Variants in ZFYVE9 observed in about 807,000 individuals in gnomAD.
The protein encoded by ZFYVE9 is zinc finger FYVE domain-containing protein 9.
ZFYVE9 carries 43 observed loss-of-function variants against 126.7 expected under a neutral mutation model. The ratio of observed to expected loss-of-function variants is 0.34; its 90% CI spans 0.27 to 0.44. ZFYVE9 has a LOEUF of 0.44. Among genes scored for constraint, ZFYVE9 ranks in the 20% least tolerant of loss-of-function variants. The probability of loss-of-function intolerance (pLI) is 1.00; values close to 1 mark genes in which losing one functional copy is unlikely to be tolerated. For synonymous variants in ZFYVE9, 521 were observed against 597.4 expected (o/e 0.87, Z 1.87); for missense variants, 1,476 against 1,697.0 (o/e 0.87, Z 2.29).
intron 1 of ZFYVE9, among the ~76,000 whole-genome samples, chr1:52,179,407 G>C (rs1412600021): frequency 6.6e-6 from 1 of 152,192 alleles, no homozygotes; most frequent in Non-Finnish European, 1.5e-5. Context: ...GGCTGAGGCG[G>C]GCGGATTGTG....
chr1:52,325,688 T>TA (rs1646284017), intron 13 of ZFYVE9, among the ~76,000 whole-genome samples: 1 of 152,244 alleles, frequency 6.6e-6, no homozygotes, highest in Non-Finnish European at 1.5e-5. Flanking sequence ...TTCGGTTTAC[T>TA]AACTAGTATA....
chr1:52,162,159 C>T (rs1644467801), intron 1 of ZFYVE9: 1 of 203,138 alleles, frequency 4.9e-6, no homozygotes, highest in Admixed American at 4.6e-5. Flanking sequence ...AAAAAATGTC[C>T]TTCATTGCAA....
chr1:52,225,065 A>G (rs779971998), intron 2 of ZFYVE9, among the ~76,000 whole-genome samples: 39 of 152,118 alleles, frequency 2.6e-4, no homozygotes, highest in East Asian at 5.8e-4. Flanking sequence ...TTCGCACCCA[A>G]TGGCGTGTCT....
chr1:52,228,787 T>A (rs1464520921), intron 2 of ZFYVE9, among the ~76,000 whole-genome samples: 1 of 152,260 alleles, frequency 6.6e-6, no homozygotes, highest in Non-Finnish European at 1.5e-5. Context: ...TGTTAATTTA[T>A]GCTGTGTGTG....
At chr1:52,259,764 T>C (rs1182474900) in intron 4 of ZFYVE9, among the ~76,000 whole-genome samples, 2 of 151,978 alleles carry the variant, frequency 1.3e-5, no homozygotes, top group African/African-American at 2.4e-5. Flanking sequence ...GCCACTGCAC[T>C]CCAGCCTGGG....
At chr1:52,146,924 A>G (rs968750326) in intron 1 of ZFYVE9, among the ~76,000 whole-genome samples, 1 of 152,154 alleles carries the variant, frequency 6.6e-6, no homozygotes, top group South Asian at 2.1e-4. Context: ...AAAAGTCTGA[A>G]ATTCGAAATG....
At chr1:52,201,328 T>C (rs946767593) in intron 1 of ZFYVE9, among the ~76,000 whole-genome samples, 1 of 152,010 alleles carries the variant, frequency 6.6e-6, no homozygotes, top group Non-Finnish European at 1.5e-5. Context: ...TAACCTTGTA[T>C]CCTGTAACCC....
Position 52,249,011 on chromosome 1 carries a change from G to T in ZFYVE9, c.2178+9416G>T, listed in dbSNP as rs1645417726. ...GGTAGGAGGTGATTGAATAGTGGGG[G>T]CAGATTTCCCCCTTGCTGTTCTCAT... is the stretch of plus-strand genomic sequence containing the variant. On this transcript the variant is annotated intron_variant, in intron 4 of 18. Transcript: ENST00000287727. Among the ~76,000 whole-genome samples, 3 of 152,196 alleles carry T rather than the reference G, an allele frequency of 2.0e-5. No homozygotes were observed. The South Asian group carries it at 6.2e-4, about 31-fold the overall frequency.
chr1:52,336,915 G>T (rs1308507900), intron 15 of ZFYVE9, among the ~76,000 whole-genome samples: 3 of 133,862 alleles, frequency 2.2e-5, no homozygotes, highest in Non-Finnish European at 4.6e-5. Flanking sequence ...CCTGTGAATA[G>T]TCACTGCGCT....
intron 17 of ZFYVE9, among the ~76,000 whole-genome samples, chr1:52,341,753 A>G (rs1347957331): frequency 2.6e-5 from 4 of 152,222 alleles, no homozygotes; most frequent in Admixed American, 2.6e-4. Flanking sequence ...AGCAGAGATG[A>G]GACCTGGTTC....
intron 13 of ZFYVE9, among the ~76,000 whole-genome samples, chr1:52,319,578 C>T (rs952352428): frequency 6.7e-6 from 1 of 150,374 alleles, no homozygotes; most frequent in African/African-American, 2.5e-5. Flanking sequence ...GAGCCGAGAT[C>T]GCACCATTGT....
At chr1:52,204,824 C>T (rs375346908) in intron 1 of ZFYVE9, among the ~76,000 whole-genome samples, 2 of 152,282 alleles carry the variant, frequency 1.3e-5, no homozygotes, top group East Asian at 3.9e-4. Context: ...GGATTTCCCC[C>T]TTGATGCTGT....
At chr1:52,289,965 G>T (rs759793505) in intron 10 of ZFYVE9, among the ~76,000 whole-genome samples, 11 of 152,172 alleles carry the variant, frequency 7.2e-5, no homozygotes, top group Non-Finnish European at 1.0e-4. Context: ...GGAATAATGA[G>T]TGAATACCTT....
intron 13 of ZFYVE9, among the ~76,000 whole-genome samples, chr1:52,314,600 CTGAGCTCAGGAGTT>C (rs1646165870): frequency 6.6e-6 from 1 of 152,086 alleles, no homozygotes; most frequent in Non-Finnish European, 1.5e-5. Context: ...GGTGGATCAT[CTGAGCTCAGGAGTT>C]CGAGACCACC....
chr1:52,226,822 G>A (rs966324335), intron 2 of ZFYVE9, among the ~76,000 whole-genome samples: 13 of 152,332 alleles, frequency 8.5e-5, no homozygotes, highest in African/African-American at 3.1e-4. Flanking sequence ...CCAGATCATA[G>A]GTAGATAAAA....
In ZFYVE9 at chr1:52,142,224, G is replaced by A. The variant is rs902542405; in HGVS notation, c.-322G>A. 5.9e-5 allele frequency: 9 copies of A among 151,432 alleles called. No individual in the cohort carries two copies. Among genetic ancestry groups the A allele is most frequent in the African/African-American group, 2.2e-4 (9 of 41,368 alleles). The allele number at this position is 151,432 out of a possible 1,614,324, so 9.4% of individuals were successfully genotyped here. On this transcript the variant is annotated 5_prime_UTR_variant, in exon 1 of 19. Coordinates refer to ENST00000287727, the MANE Select transcript of ZFYVE9 (RefSeq NM_004799.4). The surrounding 1 kb of genome is among the most constrained non-coding windows in gnomAD (Gnocchi z 4.5). ...GCTGCCGCGGCCCGGGCGCCGATGC[G>A]GCTGGGCGGGTGCCGGGCCTTAGCA...
At chr1:52,213,145 C>A (rs911592383) in intron 1 of ZFYVE9, among the ~76,000 whole-genome samples, 2 of 152,164 alleles carry the variant, frequency 1.3e-5, no homozygotes, top group African/African-American at 4.8e-5. Flanking sequence ...ATCTGAGAAG[C>A]ATATTCTCCA....
intron 1 of ZFYVE9, among the ~76,000 whole-genome samples, chr1:52,204,345 C>T (rs1644953203): frequency 6.6e-6 from 1 of 152,088 alleles, no homozygotes; most frequent in Admixed American, 6.6e-5. Context: ...CTGGGTGTTT[C>T]CTTTCCCCAG....
chr1:52,246,688 C>T (rs529602111), intron 4 of ZFYVE9, among the ~76,000 whole-genome samples: 5 of 145,414 alleles, frequency 3.4e-5, no homozygotes, highest in Non-Finnish European at 7.5e-5. Context: ...TGTGCCACCA[C>T]GTGTAACTAA....
Sources: gnomAD v4.1 joint callset for allele counts (sites outside exome capture counted in the v4.1 genomes callset) on GRCh38, gnomAD v4.1.1 for gene constraint, Gnocchi (gnomAD v3.1) non-coding constraint, MANE v1.5 for transcripts, NCBI Gene and HGNC (gene_info 2026-07-23, HGNC 2026-07-21) for gene names.